Variants in HPSE2 observed in about 807,000 individuals in gnomAD.
HPSE2 encodes the protein inactive heparanase-2.
HPSE2 carries 38 observed loss-of-function variants against 60.5 expected under a neutral mutation model. That is an observed-to-expected ratio of 0.63 (90% CI 0.48 to 0.82). The LOEUF is 0.82. Among genes scored for constraint, HPSE2 ranks in the 40% least tolerant of loss-of-function variants. The pLI is 0.00. For missense variants in HPSE2, 713 were observed against 740.4 expected (o/e 0.96, Z 0.43); for synonymous variants, 295 against 293.2 (o/e 1.01, Z -0.06).
At chr10:98,677,865 C>A (rs1423619716) in intron 6 of HPSE2, among the ~76,000 whole-genome samples, 1 of 152,134 alleles carries the variant, frequency 6.6e-6, no homozygotes, top group East Asian at 1.9e-4. Flanking sequence ...TCCCATTACC[C>A]TTGGAAATAT....
At chr10:98,650,220 G>A (rs17110576) in intron 6 of HPSE2, among the ~76,000 whole-genome samples, 11,051 of 152,268 alleles carry the variant, frequency 0.073, 572 homozygotes, top group South Asian at 0.19. Flanking sequence ...AAAAGTCTCT[G>A]AGGAAAAGCC....
At chr10:98,714,293 C>T (rs1286256166) in intron 5 of HPSE2, among the ~76,000 whole-genome samples, 1 of 151,794 alleles carries the variant, frequency 6.6e-6, no homozygotes. Flanking sequence ...GTTGTGCAAC[C>T]ATTAACAATC....
At chr10:99,031,843 T>C (rs1025225746) in intron 3 of HPSE2, among the ~76,000 whole-genome samples, 2 of 152,174 alleles carry the variant, frequency 1.3e-5, no homozygotes, top group East Asian at 1.9e-4. Context: ...TGTGAAATAT[T>C]AGCAATCAAA....
intron 3 of HPSE2, among the ~76,000 whole-genome samples, chr10:98,976,708 C>G (rs536690026): frequency 6.6e-6 from 1 of 150,662 alleles, no homozygotes; most frequent in Admixed American, 6.6e-5. Context: ...TAAAAACGGA[C>G]TGACAATTGT....
intron 3 of HPSE2, among the ~76,000 whole-genome samples, chr10:99,137,186 G>A (rs1305995158): frequency 1.3e-5 from 2 of 152,148 alleles, no homozygotes; most frequent in African/African-American, 4.8e-5. Context: ...ACTTACAAGG[G>A]ATGTGAAGTA....
At chr10:98,814,876 C>T (rs984310023) in intron 3 of HPSE2, among the ~76,000 whole-genome samples, 1 of 152,060 alleles carries the variant, frequency 6.6e-6, no homozygotes, top group African/African-American at 2.4e-5. Context: ...ACATTGTGGC[C>T]GATTAATTTA....
At chr10:99,274,262 G>A in the HPSE2 span, among the ~76,000 whole-genome samples, 307 of 152,230 alleles carry the variant, frequency 2.0e-3, 1 homozygote, top group African/African-American at 5.5e-3. Flanking sequence ...CAGGAGAATC[G>A]TTTGAACCTG....
chr10:98,548,887 A>G (rs584705), intron 9 of HPSE2, among the ~76,000 whole-genome samples: 130,922 of 152,120 alleles, frequency 0.86, 57,304 homozygotes, highest in East Asian at 1. Context: ...TCAGTCTTTC[A>G]ATTCATCTTT....
chr10:98,683,716 A>C (rs1947842748), intron 6 of HPSE2, among the ~76,000 whole-genome samples: 1 of 152,024 alleles, frequency 6.6e-6, no homozygotes. Context: ...GACTAATAAA[A>C]ATTTCAGAAG....
chr10:98,543,026 T>C (rs1420221671), intron 9 of HPSE2, among the ~76,000 whole-genome samples: 1 of 152,034 alleles, frequency 6.6e-6, no homozygotes, highest in East Asian at 1.9e-4. Context: ...CACATCATTG[T>C]CAGATTCACC....
intron 3 of HPSE2, among the ~76,000 whole-genome samples, chr10:99,009,489 G>A (rs947262001): frequency 1.3e-5 from 2 of 152,118 alleles, no homozygotes; most frequent in Non-Finnish European, 2.9e-5. Context: ...CTCCAGAGCC[G>A]GGTTACTACT....
intron 3 of HPSE2, among the ~76,000 whole-genome samples, chr10:98,831,870 A>G (rs1054446858): frequency 5.9e-5 from 9 of 152,224 alleles, no homozygotes; most frequent in African/African-American, 1.9e-4. Context: ...ATAGCTAAAT[A>G]AATAAATAAA....
intron 3 of HPSE2, among the ~76,000 whole-genome samples, chr10:99,096,425 T>C (rs1428158043): frequency 1.3e-5 from 2 of 152,216 alleles, no homozygotes; most frequent in African/African-American, 2.4e-5. Context: ...AGACATTTTG[T>C]TGCCTATTTT....
chr10:98,589,382 C>T (rs964557161), intron 9 of HPSE2, among the ~76,000 whole-genome samples: 1 of 152,198 alleles, frequency 6.6e-6, no homozygotes, highest in Non-Finnish European at 1.5e-5. Context: ...CCTGCCACCC[C>T]ACTGACTCCC....
chr10:99,077,838 T>A (rs35727242), intron 3 of HPSE2, among the ~76,000 whole-genome samples: 12,803 of 152,106 alleles, frequency 0.084, 650 homozygotes, highest in South Asian at 0.19. Context: ...GTTTGTCACC[T>A]CCAAATCTCA....
intron 3 of HPSE2, among the ~76,000 whole-genome samples, chr10:98,887,471 G>C (rs1953198060): frequency 6.6e-6 from 1 of 152,134 alleles, no homozygotes. Context: ...GGATCAGTGA[G>C]TCTAGTAAAT....
chr10:99,131,476 T>C (rs535080999), intron 3 of HPSE2, among the ~76,000 whole-genome samples: 4 of 152,128 alleles, frequency 2.6e-5, no homozygotes, highest in African/African-American at 9.6e-5. Flanking sequence ...AAATGTGATA[T>C]ATATTTATAT....
intron 3 of HPSE2, among the ~76,000 whole-genome samples, chr10:99,127,751 A>C (rs906692589): frequency 6.6e-6 from 1 of 152,238 alleles, no homozygotes; most frequent in African/African-American, 2.4e-5. Flanking sequence ...AGACAAAAGC[A>C]TCAGGTAAAC....
intron 3 of HPSE2, among the ~76,000 whole-genome samples, chr10:99,023,140 C>G (rs1957300126): frequency 6.6e-6 from 1 of 152,016 alleles, no homozygotes; most frequent in Non-Finnish European, 1.5e-5. Flanking sequence ...GAGTCCTGGG[C>G]CAGGCAGCAT....
Sources: gnomAD v4.1 joint callset for allele counts (sites outside exome capture counted in the v4.1 genomes callset) on GRCh38, gnomAD v4.1.1 for gene constraint, MANE v1.5 for transcripts, NCBI Gene and HGNC (gene_info 2026-07-23, HGNC 2026-07-21) for gene names.